Variants in PACRG observed in about 807,000 individuals in gnomAD.
PACRG encodes parkin coregulated gene protein.
A neutral mutation model predicts 29.7 loss-of-function variants in PACRG; 29 were observed. That is an observed-to-expected ratio of 0.98 (90% CI 0.73 to 1.33). The LOEUF (loss-of-function observed/expected upper bound fraction) is 1.33, where lower values mean the gene tolerates loss of function less well. PACRG is among the 40% of genes most tolerant of loss of function. The pLI is 0.00. For missense variants in PACRG, 279 were observed against 316.2 expected (o/e 0.88, Z 0.89); for synonymous variants, 116 against 118.7 (o/e 0.98, Z 0.15).
At chr6:163,142,487 C>G (rs547736497) in intron 4 of PACRG, among the ~76,000 whole-genome samples, 1 of 152,064 alleles carries the variant, frequency 6.6e-6, no homozygotes, top group African/African-American at 2.4e-5. Flanking sequence ...AAAGCTTCCC[C>G]ACCAAAAAGA....
chr6:163,066,728 G>A (rs557381451), intron 3 of PACRG, among the ~76,000 whole-genome samples: 153 of 152,148 alleles, frequency 1.0e-3, no homozygotes, highest in Non-Finnish European at 1.7e-3. Flanking sequence ...GATCAGCTAC[G>A]AAAATTAACT....
At chr6:163,170,955 A>T (rs767764701) in intron 4 of PACRG, 2 of 152,250 alleles carry the variant, frequency 1.3e-5, no homozygotes, top group Non-Finnish European at 2.9e-5. Flanking sequence ...AAGTAAAAGG[A>T]TATCGCCTAG....
intron 4 of PACRG, among the ~76,000 whole-genome samples, chr6:163,141,692 A>T (rs1817158247): frequency 6.6e-6 from 1 of 152,140 alleles, no homozygotes; most frequent in Non-Finnish European, 1.5e-5. Context: ...TAATGGAGAA[A>T]AGAGGGGCAT....
intron 4 of PACRG, among the ~76,000 whole-genome samples, chr6:163,292,252 C>G (rs920124355): frequency 1.6e-4 from 25 of 152,162 alleles, no homozygotes; most frequent in African/African-American, 6.0e-4. Flanking sequence ...GCTCCTCCTG[C>G]ACTTTCACAA....
intron 1 of PACRG, among the ~76,000 whole-genome samples, chr6:162,752,391 T>A (rs1562562309): frequency 1.3e-5 from 2 of 151,308 alleles, no homozygotes; most frequent in Non-Finnish European, 2.9e-5. Flanking sequence ...GTTGGGGGAG[T>A]TAGGATTGGA....
At chr6:162,824,170 A>G (rs556440262) in intron 2 of PACRG, among the ~76,000 whole-genome samples, 38 of 152,176 alleles carry the variant, frequency 2.5e-4, no homozygotes, top group African/African-American at 9.2e-4. Flanking sequence ...TTGTTTCTTG[A>G]GTTGACTGTG....
At chr6:163,069,509 C>T (rs1290982181) in intron 3 of PACRG, among the ~76,000 whole-genome samples, 1 of 152,046 alleles carries the variant, frequency 6.6e-6, no homozygotes, top group African/African-American at 2.4e-5. Context: ...AATGCAATGA[C>T]ATACTGAAGA....
intron 4 of PACRG, among the ~76,000 whole-genome samples, chr6:163,281,578 ACATTTAATTT>A (rs1475303719): frequency 6.6e-6 from 1 of 152,230 alleles, no homozygotes; most frequent in Non-Finnish European, 1.5e-5. Context: ...TAGATAGTGT[ACATTTAATTT>A]CATTTAATTT....
intron 2 of PACRG, among the ~76,000 whole-genome samples, chr6:162,926,304 TA>T (rs1235949734): frequency 6.6e-6 from 1 of 152,076 alleles, no homozygotes; most frequent in Non-Finnish European, 1.5e-5. Flanking sequence ...GAAAAAAAAC[TA>T]CTTTAAAATT....
chr6:163,178,472 A>C (rs1269950327), intron 4 of PACRG, among the ~76,000 whole-genome samples: 1 of 152,142 alleles, frequency 6.6e-6, no homozygotes, highest in African/African-American at 2.4e-5. Context: ...CTATGGAGTA[A>C]TCTTGAGACA....
chr6:162,961,997 G>A (rs955517707), intron 2 of PACRG, among the ~76,000 whole-genome samples: 16 of 152,162 alleles, frequency 1.1e-4, no homozygotes, highest in African/African-American at 3.6e-4. Context: ...ACCATCATTT[G>A]CATCACTGCT....
At chr6:162,920,881 C>T (rs1050651251) in intron 2 of PACRG, among the ~76,000 whole-genome samples, 3 of 152,040 alleles carry the variant, frequency 2.0e-5, no homozygotes, top group African/African-American at 7.2e-5. Flanking sequence ...AGAACAAATG[C>T]TATTATTTTT....
At chr6:162,894,197 C>T (rs1794991968) in intron 2 of PACRG, among the ~76,000 whole-genome samples, 1 of 152,116 alleles carries the variant, frequency 6.6e-6, no homozygotes, top group Non-Finnish European at 1.5e-5. Context: ...CTCCCTCAAG[C>T]CCAGAACCAT....
chr6:162,994,387 C>T (rs1461801812), intron 2 of PACRG, among the ~76,000 whole-genome samples: 3 of 148,938 alleles, frequency 2.0e-5, no homozygotes, highest in Non-Finnish European at 3.0e-5. Flanking sequence ...ACCAATCAGA[C>T]GTAGATTTGG....
chr6:163,245,848 A>G (rs1389054265), intron 4 of PACRG, among the ~76,000 whole-genome samples: 1 of 152,096 alleles, frequency 6.6e-6, no homozygotes, highest in Non-Finnish European at 1.5e-5. Flanking sequence ...ACTACATGGG[A>G]CCACTATCTA....
chr6:163,140,852 A>G (rs1237169239), intron 4 of PACRG, among the ~76,000 whole-genome samples: 1 of 152,226 alleles, frequency 6.6e-6, no homozygotes, highest in Non-Finnish European at 1.5e-5. Context: ...GAGCAGACGA[A>G]TCTGAAGAAG....
intron 3 of PACRG, among the ~76,000 whole-genome samples, chr6:163,070,660 A>G (rs1220829672): frequency 1.3e-5 from 2 of 151,944 alleles, no homozygotes; most frequent in Non-Finnish European, 1.5e-5. Context: ...TCACAAAACA[A>G]CCACAAAACC....
intron 2 of PACRG, among the ~76,000 whole-genome samples, chr6:162,877,819 A>G (rs1302094209): frequency 1.3e-5 from 2 of 152,128 alleles, no homozygotes; most frequent in Non-Finnish European, 2.9e-5. Context: ...CCTATAACAT[A>G]TCAGAAGGGA....
chr6:162,792,245 T>C (rs1046606382), intron 1 of PACRG, among the ~76,000 whole-genome samples: 1 of 151,410 alleles, frequency 6.6e-6, no homozygotes, highest in African/African-American at 2.4e-5. Flanking sequence ...TCAGGGTGAG[T>C]GCAAGGGAGA....
Sources: allele counts gnomAD v4.1 joint callset (sites outside exome capture counted in the v4.1 genomes callset), GRCh38; gene constraint gnomAD v4.1.1; transcripts MANE v1.5; gene names NCBI Gene and HGNC (gene_info 2026-07-23, HGNC 2026-07-21).